The following LIMK2 variants were observed in gnomAD, a reference collection of about 807,000 sequenced individuals.
The protein encoded by LIMK2 is LIM domain kinase 2.
In LIMK2, 35 loss-of-function variants were observed where a neutral mutation model predicts 75.7. The ratio of observed to expected loss-of-function variants is 0.46; its 90% CI spans 0.35 to 0.61. The LOEUF is 0.61. Ranked by LOEUF, LIMK2 falls within the 20% of genes least tolerant of loss-of-function variation. LIMK2 has a pLI of 0.00. For synonymous variants in LIMK2, 301 were observed against 319.2 expected (o/e 0.94, Z 0.61); for missense variants, 623 against 831.0 (o/e 0.75, Z 3.08).
At position 31,278,393 on chromosome 22, in the gene LIMK2, CCA is replaced by C; in HGVS notation, c.1873_1874del (p.Thr625CysfsTer86). On this transcript the variant is annotated frameshift_variant, in exon 16 of 16. Transcript: ENST00000331728. LOFTEE classifies it high-confidence loss of function. ...TGCCTGCAGAGCTGGAGGAGTTGGA[CCA>C]CACTGTGAGCATGCAGTACGGCCTG... ...PLPAELEELD[H>X]TVSMQYGLTR... The C allele has an allele frequency of 6.2e-7, 1 of 1,613,898 alleles. No homozygotes were observed. The highest frequency in any genetic ancestry group is 8.5e-7 in the Non-Finnish European group (1 of 1,179,932).
chr22:31,263,865 C>T (rs779102771), intron 7 of LIMK2, among the ~76,000 whole-genome samples: 1 of 152,124 alleles, frequency 6.6e-6, no homozygotes, highest in Admixed American at 6.5e-5. Context: ...GTGGCACATG[C>T]CTGTAATCCC....
intron 1 of LIMK2, among the ~76,000 whole-genome samples, chr22:31,219,466 A>T (rs1398402050): frequency 6.6e-6 from 1 of 152,138 alleles, no homozygotes; most frequent in Non-Finnish European, 1.5e-5. Context: ...ATAACTGAAA[A>T]CACAGTTTTC....
chr22:31,225,755 C>T lies in LIMK2; in HGVS notation c.52C>T (p.His18Tyr), dbSNP rs746761018. Residue 18 changes from histidine (H) to tyrosine (Y), a missense_variant, in exon 2 of 16, where the codon CAC becomes TAC. By Grantham distance (83) the His-to-Tyr change is moderately conservative (BLOSUM62 2). Transcript: ENST00000331728. ...CTGGAGGTGTCCAGGCTGTGGGGACCACATTGCTCCAAGCCAGATATGGTA... is the reference window on the plus strand; with the variant it reads ...CTGGAGGTGTCCAGGCTGTGGGGACTACATTGCTCCAAGCCAGATATGGTA... ...DVWRCPGCGD[H>Y]IAPSQIWYRT... The T allele has an allele frequency of 6.2e-7, 1 of 1,614,060 alleles. No individual in the cohort carries two copies. The highest frequency in any genetic ancestry group is 8.5e-7 in the Non-Finnish European group (1 of 1,179,982).
chr22:31,266,163 C>T, intron 8 of LIMK2, 31 bp downstream of exon 8: 4 of 1,606,504 alleles, frequency 2.5e-6, no homozygotes, highest in Non-Finnish European at 3.4e-6. Context: ...CTTTGCTCTT[C>T]TGCCCCCAGT....
intron 2 of LIMK2, among the ~76,000 whole-genome samples, chr22:31,257,190 C>T (rs940703689): frequency 5.3e-5 from 8 of 151,434 alleles, no homozygotes; most frequent in African/African-American, 1.7e-4. Flanking sequence ...CCCCGCCCAG[C>T]GAGCTATGGA....
intron 11 of LIMK2, among the ~76,000 whole-genome samples, chr22:31,268,867 G>A (rs114048728): frequency 2.0e-5 from 3 of 152,290 alleles, no homozygotes; most frequent in East Asian, 1.9e-4. Context: ...CAGTCTGGTC[G>A]CCAAGCCTGA....
In LIMK2 at chr22:31,278,659, C is replaced by A; in HGVS notation, c.*218C>A. The A allele has an allele frequency of 2.4e-6, 1 of 418,456 alleles. No homozygotes were observed. The highest frequency in any genetic ancestry group is 6.5e-5 in the South Asian group (1 of 15,294). 25.9% of individuals were successfully genotyped at this position (418,456 alleles called of 1,614,324 possible). A position where few individuals can be genotyped will look rare whatever the true frequency, so the allele number is the denominator to read the frequency against. On this transcript the variant is annotated 3_prime_UTR_variant, in exon 16 of 16. Transcript: ENST00000331728. ...TGGGGCCTAGTTACTGTCTGTAAAT[C>A]CAATACTTGCCTGAAAGCTGTGAAG...
At chr22:31,221,446 A>G (rs2048433064) in intron 1 of LIMK2, among the ~76,000 whole-genome samples, 1 of 151,938 alleles carries the variant, frequency 6.6e-6, no homozygotes, top group Non-Finnish European at 1.5e-5. Flanking sequence ...TGAACTTGAT[A>G]TCTTCGTACC....
At chr22:31,229,282 C>T (rs1468995179) in intron 2 of LIMK2, among the ~76,000 whole-genome samples, 2 of 152,158 alleles carry the variant, frequency 1.3e-5, no homozygotes, top group East Asian at 1.9e-4. Flanking sequence ...CTGGATGTCA[C>T]GGCGCCCTCA....
intron 1 of LIMK2, 127 bp from the exon 2 acceptor site, chr22:31,225,593 T>A (rs2048470406): frequency 1.5e-6 from 1 of 664,148 alleles, no homozygotes; most frequent in African/African-American, 1.8e-5. Context: ...ACTGTGCATC[T>A]AGCAGAGCAT....
At position 31,279,787 on chromosome 22, in the gene LIMK2, T is replaced by C. The variant is rs575259602; in HGVS notation, c.*1346T>C. On this transcript the variant is annotated 3_prime_UTR_variant, in exon 16 of 16. Coordinates refer to ENST00000331728, the MANE Select transcript of LIMK2 (RefSeq NM_005569.4). ...AGGGGGAATTGATAAAGGAGAGTGG[T>C]TGCTGTTAATATTATCTTATCTATT... is the stretch of plus-strand genomic sequence containing the variant. 3 of 152,328 alleles carry C rather than the reference T, an allele frequency of 2.0e-5. No homozygotes were observed. The South Asian group carries it at 6.2e-4, about 32-fold the overall frequency. The allele number at this position is 152,328 out of a possible 1,614,324, so 9.4% of individuals were successfully genotyped here.
At position 31,272,714 on chromosome 22, in the gene LIMK2, G is replaced by A. The variant is rs759452689; in HGVS notation, c.1558+10G>A. The A allele has an allele frequency of 6.3e-7, 1 of 1,587,006 alleles. No homozygotes were observed. The highest frequency in any genetic ancestry group is 8.6e-7 in the Non-Finnish European group (1 of 1,166,616). ...CCTGAGATGCTGAACGGTGAGTCCTGAAGCCCTGGAGGGGACACCCGCAGA... is the reference window on the plus strand; with the variant it reads ...CCTGAGATGCTGAACGGTGAGTCCTAAAGCCCTGGAGGGGACACCCGCAGA... On this transcript the variant is annotated intron_variant, in intron 13 of 15. Transcript: ENST00000331728.
At chr22:31,259,836 G>A in intron 4 of LIMK2, 53 bp from the exon 5 acceptor site, 2 of 1,510,242 alleles carry the variant, frequency 1.3e-6, no homozygotes, top group Middle Eastern at 2.3e-4. Flanking sequence ...GGTTGCTGGG[G>A]GGCTTCTGTG....
chr22:31,248,573 G>T (rs532680694), intron 2 of LIMK2: 5 of 1,604,522 alleles, frequency 3.1e-6, no homozygotes, highest in East Asian at 2.2e-5. Context: ...CAGCTGCTCC[G>T]GAGGGAGAGG....
At chr22:31,217,952 G>T (rs2048401715) in intron 1 of LIMK2, among the ~76,000 whole-genome samples, 1 of 152,148 alleles carries the variant, frequency 6.6e-6, no homozygotes, top group Admixed American at 6.5e-5. Flanking sequence ...GGCCTACTCT[G>T]TGCCTTGTAC....
At chr22:31,230,777 G>T (rs760183141) in intron 2 of LIMK2, among the ~76,000 whole-genome samples, 1 of 152,212 alleles carries the variant, frequency 6.6e-6, no homozygotes, top group Non-Finnish European at 1.5e-5. Flanking sequence ...GTAGCAACCA[G>T]AGACTGTGTT....
intron 2 of LIMK2, among the ~76,000 whole-genome samples, chr22:31,246,484 G>T (rs2048671397): frequency 6.6e-6 from 1 of 151,998 alleles, no homozygotes; most frequent in African/African-American, 2.4e-5. Context: ...ACACAATTGA[G>T]TGGCCACGAC....
In LIMK2 at chr22:31,236,681, A is replaced by C. The variant is rs546695339; in HGVS notation, c.116+10862A>C. ...GTAATCCCAGCACTTTGGGAGGCCA[A>C]GGCAGGTGGATCACTTGAGGTCAGG... On this transcript the variant is annotated intron_variant, in intron 2 of 15. Transcript: ENST00000331728. 4.0e-4 allele frequency among the ~76,000 whole-genome samples: 60 copies of C among 151,586 alleles called. 1 individual carries two copies. The Middle Eastern group carries it at 0.01, about 27-fold the overall frequency.
chr22:31,239,315 C>G (rs2048605262), intron 2 of LIMK2, among the ~76,000 whole-genome samples: 1 of 152,272 alleles, frequency 6.6e-6, no homozygotes. Flanking sequence ...GTAGGCAACT[C>G]TTTAGCCTAG....
Sources: gnomAD v4.1 joint callset for allele counts (sites outside exome capture counted in the v4.1 genomes callset) on GRCh38, gnomAD v4.1.1 for gene constraint, MANE v1.5 for transcripts, NCBI Gene and HGNC (gene_info 2026-07-23, HGNC 2026-07-21) for gene names.